The following SLC22A13 variants were observed in gnomAD, a reference collection of about 807,000 sequenced individuals.
SLC22A13 encodes the protein solute carrier family 22 member 13, also known as organic anion transporter 10.
A neutral mutation model predicts 49.1 loss-of-function variants in SLC22A13; 42 were observed. The observed-to-expected ratio is 0.85, with a 90% CI of 0.67 to 1.11. SLC22A13 has a LOEUF of 1.11. SLC22A13 is among the 50% of genes least tolerant of loss of function. The probability of loss-of-function intolerance (pLI) is 0.00; values close to 1 mark genes in which losing one functional copy is unlikely to be tolerated. For missense variants in SLC22A13, 694 were observed against 712.8 expected (o/e 0.97, Z 0.30); for synonymous variants, 282 against 293.1 (o/e 0.96, Z 0.39).
Position 38,275,673 on chromosome 3 carries a change from G to A in SLC22A13, c.1022+1G>A, listed in dbSNP as rs1405325119. The A allele has an allele frequency of 1.9e-6, 3 of 1,613,606 alleles. No homozygotes were observed. The Admixed American group carries it at 5.0e-5, about 27-fold the overall frequency. ...TGACCCTGATTATCTTCTGTGTCTG[G>A]TGAGTGCCCAGAACCCGAGGACAGA... On this transcript the variant is annotated splice_donor_variant, in intron 6 of 9. Coordinates refer to ENST00000311856, the MANE Select transcript of SLC22A13 (RefSeq NM_004256.4). LOFTEE classifies it high-confidence loss of function.
At chr3:38,274,191 A>C in intron 1 of SLC22A13, 81 bp from the exon 2 acceptor site, 1 of 1,037,696 alleles carries the variant, frequency 9.6e-7, no homozygotes, top group Non-Finnish European at 1.5e-6. Flanking sequence ...TCCTGCCCTG[A>C]AGGGTTTGTA....
intron 6 of SLC22A13, 98 bp downstream of exon 6, chr3:38,275,770 C>A: frequency 2.7e-6 from 4 of 1,481,788 alleles, no homozygotes; most frequent in South Asian, 1.2e-5. Flanking sequence ...CTGGGATGGT[C>A]TCTCCCTGGT....
At chr3:38,267,465 C>A (rs748945714) in intron 1 of SLC22A13, among the ~76,000 whole-genome samples, 2 of 152,124 alleles carry the variant, frequency 1.3e-5, no homozygotes, top group Non-Finnish European at 2.9e-5. Context: ...CTTCACCAGC[C>A]CTAACGTGTT....
At chr3:38,272,345 T>G (rs539831419) in intron 1 of SLC22A13, among the ~76,000 whole-genome samples, 1 of 152,340 alleles carries the variant, frequency 6.6e-6, no homozygotes, top group African/African-American at 2.4e-5. Context: ...GCTGAGAGCT[T>G]CGTGTGACAT....
In SLC22A13 at chr3:38,277,455, C is replaced by T. The variant is rs1439976649; in HGVS notation, c.1646C>T (p.Thr549Ile). Reference sequence around the variant, plus strand: ...CCGGGAGTGGCCTTTGTGAGCAGCACATACTTCTGATTGAGGTCTCTAAGA... The same window carrying T: ...CCGGGAGTGGCCTTTGTGAGCAGCATATACTTCTGATTGAGGTCTCTAAGA... The part of the protein sequence containing the change: ...SSPGVAFVSS[T>I]YF The change falls in exon 10 of 10, where the codon ACA becomes ATA. Residue 549 changes from threonine to isoleucine, a missense_variant. Physicochemically the swap from Thr to Ile is moderately conservative, Grantham distance 89. Transcript: ENST00000311856. 6.2e-7 allele frequency: 1 copy of T among 1,613,098 alleles called. No individual in the cohort carries two copies. Among genetic ancestry groups the T allele is most frequent in the Non-Finnish European group, 8.5e-7 (1 of 1,179,196 alleles).
intron 1 of SLC22A13, among the ~76,000 whole-genome samples, chr3:38,268,676 A>G (rs1270985873): frequency 6.6e-6 from 1 of 152,238 alleles, no homozygotes; most frequent in African/African-American, 2.4e-5. Flanking sequence ...AGTTACAGTC[A>G]CGTATATAGG....
rs781014948 is a variant in SLC22A13 at position 38,275,419 on chromosome 3, G to A, written c.856G>A (p.Glu286Lys). Residue 286 changes from glutamate to lysine, a missense_variant, in exon 5 of 10, where the codon GAG becomes AAG. By Grantham distance (56) the Glu-to-Lys change is moderately conservative. Coordinates refer to ENST00000311856, the MANE Select transcript of SLC22A13 (RefSeq NM_004256.4). ...GCTCCTGACCCGTGGGAGGATGGACGAGGCGATACAACTGATCCAGAAGGC... is the reference window on the plus strand; with the variant it reads ...GCTCCTGACCCGTGGGAGGATGGACAAGGCGATACAACTGATCCAGAAGGC... The part of the protein sequence containing the change: ...RWLLTRGRMD[E>K]AIQLIQKAAS... 3.1e-6 allele frequency: 5 copies of A among 1,614,156 alleles called. No individual in the cohort carries two copies. Among genetic ancestry groups the A allele is most frequent in the Non-Finnish European group, 4.2e-6 (5 of 1,180,022 alleles).
At position 38,277,496 on chromosome 3, in the gene SLC22A13, G is replaced by T; in HGVS notation, c.*31G>T. The T allele has an allele frequency of 1.3e-6, 2 of 1,536,800 alleles. No homozygotes were observed. The highest frequency in any genetic ancestry group is 1.8e-6 in the Non-Finnish European group (2 of 1,112,534). On this transcript the variant is annotated 3_prime_UTR_variant, in exon 10 of 10. Coordinates refer to ENST00000311856, the MANE Select transcript of SLC22A13 (RefSeq NM_004256.4). ...GTCTCTAAGAGCTGGACCATCAGCA[G>T]CAGGGAGCTGCCTAAACACCTCCTT...
chr3:38,270,141 A>C (rs1005221349), intron 1 of SLC22A13: 20 of 152,050 alleles, frequency 1.3e-4, no homozygotes, highest in African/African-American at 4.6e-4. Context: ...GGTTGGTTCC[A>C]AGTCTTTGCT....
chr3:38,273,416 C>CGT (rs1210979917), intron 1 of SLC22A13, among the ~76,000 whole-genome samples: 2 of 152,014 alleles, frequency 1.3e-5, no homozygotes, highest in African/African-American at 4.8e-5. Flanking sequence ...TGCGTGTGTA[C>CGT]GTGTGTGTGT....
At chr3:38,275,184 GC>G in intron 4 of SLC22A13, 27 bp downstream of exon 4, 1 of 1,612,772 alleles carries the variant, frequency 6.2e-7, no homozygotes, top group Non-Finnish European at 8.5e-7. Flanking sequence ...CCAGGAGCAA[GC>G]CCCCCCAGGT....
rs756215210 is a variant in SLC22A13, at chr3:38,266,103, G to T, written c.243G>T (p.Glu81Asp). Residue 81 changes from glutamate (E) to aspartate (D), a missense_variant, in exon 1 of 10, where the codon GAG (glutamate) becomes GAT (aspartate). Coordinates refer to ENST00000311856, the MANE Select transcript of SLC22A13 (RefSeq NM_004256.4). ...SVPLDTAGHP[E>D]PCLMFRPPPA... Reference sequence around the variant, plus strand: ...CCCTGGACACTGCAGGTCACCCAGAGCCCTGCCTCATGTTCCGGCCACCCC... The same window carrying T: ...CCCTGGACACTGCAGGTCACCCAGATCCCTGCCTCATGTTCCGGCCACCCC... The T allele has an allele frequency of 6.2e-7, 1 of 1,614,104 alleles. No individual in the cohort carries two copies. The highest frequency in any genetic ancestry group is 1.7e-5 in the Admixed American group (1 of 60,024).
At position 38,271,807 on chromosome 3, in the gene SLC22A13, A is replaced by G. The variant is rs186064874; in HGVS notation, c.379-2465A>G. Among the ~76,000 whole-genome samples the G allele has an allele frequency of 1.6e-3, 246 of 152,304 alleles. 1 individual carries two copies. Among genetic ancestry groups the G allele is most frequent in the African/African-American group, 5.8e-3 (240 of 41,562 alleles). ...AGCTAGCTCTTCAAGGGCCTTAGAT[A>G]TAGTGCTAAGGAATTTGGGCTTTCT... On this transcript the variant is annotated intron_variant, in intron 1 of 9. Coordinates refer to ENST00000311856, the MANE Select transcript of SLC22A13 (RefSeq NM_004256.4).
intron 1 of SLC22A13, among the ~76,000 whole-genome samples, chr3:38,272,899 T>A (rs1241171412): frequency 1.3e-5 from 2 of 152,226 alleles, no homozygotes; most frequent in Non-Finnish European, 2.9e-5. Flanking sequence ...ATTCCCTGTC[T>A]AGGGCAAGAG....
chr3:38,275,668 G>C lies in SLC22A13; in HGVS notation c.1018G>C (p.Val340Leu). The change falls in exon 6 of 10, where the codon GTC (valine) becomes CTC (leucine). Residue 340 changes from valine to leucine, a missense_variant. Val to Leu is a conservative substitution (Grantham distance 32). Transcript: ENST00000311856. ...LRKVTLIIFC[V>L]WFVDSLGYYG... The stretch of plus-strand genomic sequence containing the variant: ...GAAGGTGACCCTGATTATCTTCTGT[G>C]TCTGGTGAGTGCCCAGAACCCGAGG... 6.2e-7 allele frequency: 1 copy of C among 1,613,868 alleles called. No homozygotes were observed. The highest frequency in any genetic ancestry group is 8.5e-7 in the Non-Finnish European group (1 of 1,179,880).
At position 38,275,653 on chromosome 3, in the gene SLC22A13, C is replaced by T; in HGVS notation, c.1003C>T (p.Leu335=). The T allele has an allele frequency of 6.2e-7, 1 of 1,614,144 alleles. No individual in the cohort carries two copies. The highest frequency in any genetic ancestry group is 8.5e-7 in the Non-Finnish European group (1 of 1,180,002). ...FRHPQLRKVT[L]IIFCVWFVDS... ...ACACCCCCAGCTCCGGAAGGTGACCCTGATTATCTTCTGTGTCTGGTGAGT... is the reference window on the plus strand; with the variant it reads ...ACACCCCCAGCTCCGGAAGGTGACCTTGATTATCTTCTGTGTCTGGTGAGT... Residue 335 remains leucine, a synonymous_variant, in exon 6 of 10, where the codon CTG becomes TTG. Transcript: ENST00000311856.
At position 38,266,161 on chromosome 3, in the gene SLC22A13, C is replaced by A. The variant is rs759961381; in HGVS notation, c.301C>A (p.His101Asn). 6.6e-5 allele frequency: 106 copies of A among 1,614,076 alleles called. No individual in the cohort carries two copies. Among genetic ancestry groups the A allele is most frequent in the Non-Finnish European group, 8.8e-5 (104 of 1,180,050 alleles). The change falls in exon 1 of 10, where the codon CAC becomes AAC. Residue 101 changes from histidine (H) to asparagine (N), a missense_variant. Physicochemically the swap from His to Asn is moderately conservative, Grantham distance 68 (BLOSUM62 1). Coordinates refer to ENST00000311856, the MANE Select transcript of SLC22A13 (RefSeq NM_004256.4). ...ANASLQDILS[H>N]RFNETQPCDM... ...TGCCAGCCTGCAGGACATCCTCAGCCACCGCTTCAATGAGACGCAGCCTTG... is the reference window on the plus strand; with the variant it reads ...TGCCAGCCTGCAGGACATCCTCAGCAACCGCTTCAATGAGACGCAGCCTTG...
chr3:38,267,503 C>T (rs1349286977), intron 1 of SLC22A13, among the ~76,000 whole-genome samples: 1 of 152,222 alleles, frequency 6.6e-6, no homozygotes, highest in Admixed American at 6.5e-5. Context: ...GTTAAACTCT[C>T]TGCCCACCTG....
chr3:38,275,679 G>A lies in SLC22A13; in HGVS notation c.1022+7G>A, dbSNP rs1477479807. 3 of 1,612,888 alleles carry A rather than the reference G, an allele frequency of 1.9e-6. No individual in the cohort carries two copies. In the South Asian group the frequency reaches 3.3e-5, roughly 18 times the overall value. ...TGATTATCTTCTGTGTCTGGTGAGT[G>A]CCCAGAACCCGAGGACAGAACCACA... is the stretch of plus-strand genomic sequence containing the variant. On this transcript the variant is annotated splice_region_variant and intron_variant, in intron 6 of 9. Coordinates refer to ENST00000311856, the MANE Select transcript of SLC22A13 (RefSeq NM_004256.4).
Sources: allele counts gnomAD v4.1 joint callset (sites outside exome capture counted in the v4.1 genomes callset), GRCh38; gene constraint gnomAD v4.1.1; transcripts MANE v1.5; gene names NCBI Gene and HGNC (gene_info 2026-07-23, HGNC 2026-07-21).